Variants in AGBL1 observed in about 807,000 individuals in gnomAD.
AGBL1 encodes cytosolic carboxypeptidase 4.
AGBL1 carries 130 observed loss-of-function variants against 118.9 expected under a neutral mutation model. The observed-to-expected ratio is 1.09, with a 90% CI of 0.95 to 1.26. The LOEUF is 1.26. AGBL1 is among the 50% of genes most tolerant of loss of function. AGBL1 has a pLI of 0.00. For synonymous variants in AGBL1, 555 were observed against 478.9 expected (o/e 1.16, Z -2.08); for missense variants, 1,584 against 1,298.1 (o/e 1.22, Z -3.38).
At chr15:86,991,558 T>A (rs920965904) in intron 24 of AGBL1, among the ~76,000 whole-genome samples, 1 of 152,106 alleles carries the variant, frequency 6.6e-6, no homozygotes, top group African/African-American at 2.4e-5. Flanking sequence ...ATAAGGATGA[T>A]CTAGGCAATA....
chr15:86,583,427 A>G (rs28600184), intron 21 of AGBL1, among the ~76,000 whole-genome samples: 70,947 of 151,860 alleles, frequency 0.47, 16,963 homozygotes, highest in Middle Eastern at 0.53. Flanking sequence ...AAGTGAGAAC[A>G]TGCAATATTT....
At chr15:86,641,413 TAAA>T (rs893733278) in intron 21 of AGBL1, among the ~76,000 whole-genome samples, 1 of 149,566 alleles carries the variant, frequency 6.7e-6, no homozygotes, top group African/African-American at 2.5e-5. Flanking sequence ...CAATTTTTTT[TAAA>T]AAAAAAAGCA....
intron 22 of AGBL1, among the ~76,000 whole-genome samples, chr15:86,861,991 A>G (rs2079565014): frequency 6.6e-6 from 1 of 152,226 alleles, no homozygotes; most frequent in Non-Finnish European, 1.5e-5. Context: ...ATGGAACTTC[A>G]GATTTAGAAA....
At position 86,266,360 on chromosome 15, in the gene AGBL1, A is replaced by G. The variant is rs1597651388; in HGVS notation, c.1668-14A>G. 4 of 1,558,692 alleles carry G rather than the reference A, an allele frequency of 2.6e-6. No individual in the cohort carries two copies. The highest frequency in any genetic ancestry group is 3.5e-6 in the Non-Finnish European group (4 of 1,148,620). ...AAGGCCGACCCTTAAAATGTTTTCAATTTTCTTTTTCAGGATCAGGATATT... is the reference window on the plus strand; with the variant it reads ...AAGGCCGACCCTTAAAATGTTTTCAGTTTTCTTTTTCAGGATCAGGATATT... On this transcript the variant is annotated splice_polypyrimidine_tract_variant and intron_variant, in intron 11 of 22. Coordinates refer to ENST00000614907, the MANE Select transcript of AGBL1 (RefSeq NM_001386094.1).
chr15:86,163,733 A>G (rs574623362), intron 5 of AGBL1, among the ~76,000 whole-genome samples: 11 of 152,286 alleles, frequency 7.2e-5, no homozygotes, highest in Admixed American at 5.9e-4. Flanking sequence ...GTCTCAAAAA[A>G]AAATGAATAA....
intron 16 of AGBL1, 47 bp from the exon 17 acceptor site, chr15:86,295,208 T>C (rs1451357056): frequency 1.3e-6 from 2 of 1,593,334 alleles, no homozygotes; most frequent in Non-Finnish European, 1.7e-6. Context: ...TTATTGTTGT[T>C]ATAAAAAATG....
chr15:86,324,650 G>GT (rs2080157271), intron 17 of AGBL1, among the ~76,000 whole-genome samples: 1 of 152,150 alleles, frequency 6.6e-6, no homozygotes, highest in African/African-American at 2.4e-5. Context: ...AAACTGTCCA[G>GT]TTAACAATTA....
intron 22 of AGBL1, among the ~76,000 whole-genome samples, chr15:86,709,629 C>A (rs185091861): frequency 6.6e-5 from 10 of 152,216 alleles, no homozygotes; most frequent in Admixed American, 2.6e-4. Flanking sequence ...GAATAGCCAA[C>A]ACAATCTTGT....
intron 18 of AGBL1, among the ~76,000 whole-genome samples, chr15:86,489,890 C>A (rs930852633): frequency 6.6e-6 from 1 of 152,042 alleles, no homozygotes; most frequent in Non-Finnish European, 1.5e-5. Flanking sequence ...TTCTTGATAG[C>A]TGGGTGGTAT....
chr15:86,737,092 G>C (rs912926884), intron 22 of AGBL1, among the ~76,000 whole-genome samples: 1 of 152,100 alleles, frequency 6.6e-6, no homozygotes, highest in Non-Finnish European at 1.5e-5. Flanking sequence ...CACATACCTT[G>C]TCTTCAAATT....
intron 17 of AGBL1, among the ~76,000 whole-genome samples, chr15:86,367,653 A>G (rs1382983973): frequency 6.6e-6 from 1 of 152,178 alleles, no homozygotes; most frequent in Admixed American, 6.5e-5. Flanking sequence ...GGAAGGCAGG[A>G]AAAACTAAGA....
chr15:86,351,167 G>A (rs2141900707), intron 17 of AGBL1, among the ~76,000 whole-genome samples: 1 of 152,276 alleles, frequency 6.6e-6, no homozygotes, highest in Admixed American at 6.5e-5. Flanking sequence ...CCAAAATAGA[G>A]AAACCATTAT....
chr15:86,541,952 G>A (rs1245439016), intron 19 of AGBL1, among the ~76,000 whole-genome samples: 1 of 152,192 alleles, frequency 6.6e-6, no homozygotes, highest in Admixed American at 6.5e-5. Context: ...TTAGAAACGT[G>A]GGCAACATGT....
chr15:86,173,842 A>C (rs1444283189), intron 5 of AGBL1, among the ~76,000 whole-genome samples: 1 of 152,066 alleles, frequency 6.6e-6, no homozygotes, highest in Non-Finnish European at 1.5e-5. Flanking sequence ...TTTGGTTGCT[A>C]TAGCTTTGTA....
At chr15:86,983,447 A>T (rs1011660851) in intron 23 of AGBL1, among the ~76,000 whole-genome samples, 3 of 152,148 alleles carry the variant, frequency 2.0e-5, no homozygotes, top group African/African-American at 7.2e-5. Context: ...CTACCTTATG[A>T]CCTGGTGATG....
At chr15:86,527,687 T>G (rs1015959649) in intron 19 of AGBL1, among the ~76,000 whole-genome samples, 3 of 152,180 alleles carry the variant, frequency 2.0e-5, no homozygotes, top group African/African-American at 7.2e-5. Flanking sequence ...GAAGCCACTT[T>G]ATGGTGGCTA....
chr15:86,179,957 T>C (rs2077530379), intron 5 of AGBL1, among the ~76,000 whole-genome samples: 1 of 152,128 alleles, frequency 6.6e-6, no homozygotes, highest in Non-Finnish European at 1.5e-5. Context: ...ACAATAGCAA[T>C]GTAAATGTAA....
intron 22 of AGBL1, among the ~76,000 whole-genome samples, chr15:86,755,750 T>C (rs1164908566): frequency 6.6e-6 from 1 of 152,142 alleles, no homozygotes; most frequent in African/African-American, 2.4e-5. Context: ...ATTTTAGTTC[T>C]TCCCAGCTAT....
At chr15:86,617,448 C>A (rs902300192) in intron 21 of AGBL1, among the ~76,000 whole-genome samples, 3 of 152,114 alleles carry the variant, frequency 2.0e-5, no homozygotes. Flanking sequence ...ATAAAACTCT[C>A]TAGTACAGAA....
Sources: allele counts gnomAD v4.1 joint callset (sites outside exome capture counted in the v4.1 genomes callset), GRCh38; gene constraint gnomAD v4.1.1; transcripts MANE v1.5; gene names NCBI Gene and HGNC (gene_info 2026-07-23, HGNC 2026-07-21).